Variants in ATF3 observed in about 807,000 individuals in gnomAD.
The protein encoded by ATF3 is cyclic AMP-dependent transcription factor ATF-3.
ATF3 carries 10 observed loss-of-function variants against 18.4 expected under a neutral mutation model. The observed-to-expected ratio is 0.54, with a 90% CI of 0.34 to 0.92. ATF3 has a LOEUF of 0.92. Among genes scored for constraint, ATF3 ranks in the 40% least tolerant of loss-of-function variants. The probability of loss-of-function intolerance (pLI) is 0.02; values close to 1 mark genes in which losing one functional copy is unlikely to be tolerated. For synonymous variants in ATF3, 78 were observed against 87.9 expected (o/e 0.89, Z 0.63); for missense variants, 183 against 222.3 (o/e 0.82, Z 1.12).
chr1:212,608,333 G>GCC (rs145591755), upstream of ATF3, among the ~76,000 whole-genome samples: 12 of 147,962 alleles, frequency 8.1e-5, no homozygotes, highest in African/African-American at 2.7e-4. Flanking sequence ...CACCTTCCCC[G>GCC]CCCCCCCCGC....
At chr1:212,605,188 CCATTTTT>C (rs904982341), upstream of ATF3, among the ~76,000 whole-genome samples, 3 of 152,154 alleles carry the variant, frequency 2.0e-5, no homozygotes, top group Non-Finnish European at 2.9e-5. Flanking sequence ...ATTGTTAGTG[CCATTTTT>C]CATTTGAGGA....
intron 1 of ATF3, among the ~76,000 whole-genome samples, chr1:212,583,521 G>A (rs1664723749): frequency 6.6e-6 from 1 of 152,206 alleles, no homozygotes; most frequent in Admixed American, 6.5e-5. Context: ...AGTAATTGCA[G>A]AAAGCTGTCA....
At chr1:212,573,943 G>GGT (rs558878356) in intron 1 of ATF3, among the ~76,000 whole-genome samples, 1 of 149,266 alleles carries the variant, frequency 6.7e-6, no homozygotes, top group African/African-American at 2.5e-5. Flanking sequence ...TATTCATAGG[G>GGT]TTTTTTTTTC....
rs1655237635 is a variant in ATF3 at position 212,618,668 on chromosome 1, G to C, written c.348+434G>C. ...TAATCCACAAGCAGTGGTTACACTT[G>C]CTTTGCATTCTTGTCTGGTTCCTAA... On this transcript the variant is annotated intron_variant, in intron 3 of 3. Transcript: ENST00000341491. The surrounding 1 kb of genome is among the most constrained non-coding windows in gnomAD (Gnocchi z 4.4). 7.2e-6 allele frequency: 3 copies of C among 416,952 alleles called. No individual in the cohort carries two copies. Among genetic ancestry groups the C allele is most frequent in the African/African-American group, 6.0e-5 (3 of 49,660 alleles). 25.8% of individuals were successfully genotyped at this position (416,952 alleles called of 1,614,324 possible).
chr1:212,607,247 A>G (rs1287192936), upstream of ATF3, among the ~76,000 whole-genome samples: 1 of 152,064 alleles, frequency 6.6e-6, no homozygotes, highest in Non-Finnish European at 1.5e-5. Flanking sequence ...CAAATTACCA[A>G]ACTGTGACCT....
At chr1:212,603,779 T>TGTGC (rs1190376056), upstream of ATF3, among the ~76,000 whole-genome samples, 1 of 131,838 alleles carries the variant, frequency 7.6e-6, no homozygotes, top group Non-Finnish European at 1.6e-5. Flanking sequence ...TATATATATG[T>TGTGC]GTGTGTGTGT....
At chr1:212,608,734 A>C (rs1436608908), upstream of ATF3, 1 of 152,314 alleles carries the variant, frequency 6.6e-6, no homozygotes, top group African/African-American at 2.4e-5. Context: ...AGGGCTATAA[A>C]AGGGGTGATG....
chr1:212,614,692 C>T (rs919702385), intron 1 of ATF3, among the ~76,000 whole-genome samples: 1 of 152,012 alleles, frequency 6.6e-6, no homozygotes, highest in Non-Finnish European at 1.5e-5. Context: ...AATGTTCTTC[C>T]TCTTTCAGGA....
intron 1 of ATF3, among the ~76,000 whole-genome samples, chr1:212,566,621 T>G (rs1664387473): frequency 6.6e-6 from 1 of 152,038 alleles, no homozygotes; most frequent in Non-Finnish European, 1.5e-5. Context: ...CATAGAAACC[T>G]CCTGCCCTGT....
In ATF3 at chr1:212,619,867, C is replaced by T. The variant is rs1005749972; in HGVS notation, c.*312C>T. ...CTTTCATCTGGATTCTACAAAAAAC[C>T]AGGATGCCCACCGTTAGGATTCAGG... is the stretch of plus-strand genomic sequence containing the variant. On this transcript the variant is annotated 3_prime_UTR_variant, in exon 4 of 4. Transcript: ENST00000341491. This position sits in a 1 kb window ranked among gnomAD's most constrained non-coding sequence, Gnocchi z 4.4. 1 of 336,414 alleles carries T rather than the reference C, an allele frequency of 3.0e-6. No individual in the cohort carries two copies. Among genetic ancestry groups the T allele is most frequent in the Admixed American group, 4.1e-5 (1 of 24,434 alleles). 20.8% of individuals were successfully genotyped at this position (336,414 alleles called of 1,614,324 possible). A position where few individuals can be genotyped will look rare whatever the true frequency, so the allele number is the denominator to read the frequency against.
chr1:212,584,315 G>GTA (rs1324418297), intron 1 of ATF3, among the ~76,000 whole-genome samples: 1 of 152,104 alleles, frequency 6.6e-6, no homozygotes, highest in African/African-American at 2.4e-5. Context: ...TAAGATGCAT[G>GTA]TGTATAAGAG....
chr1:212,579,980 TA>T (rs776918394), intron 1 of ATF3, among the ~76,000 whole-genome samples: 250 of 130,484 alleles, frequency 1.9e-3, no homozygotes, highest in East Asian at 3.8e-3. Flanking sequence ...CCGTCTCTAC[TA>T]AAAAAAAAAA....
intron 1 of ATF3, among the ~76,000 whole-genome samples, chr1:212,579,835 A>G (rs1004952459): frequency 6.6e-6 from 1 of 152,168 alleles, no homozygotes; most frequent in African/African-American, 2.4e-5. Flanking sequence ...TGAGAAATAA[A>G]CTATCTTGGT....
At position 212,580,327 on chromosome 1, in the gene ATF3, C is replaced by CTTT. The variant is rs113977243; in HGVS notation, c.-5+14855_-5+14857dup. Among the ~76,000 whole-genome samples the CTTT allele has an allele frequency of 2.2e-3, 325 of 145,882 alleles. 3 individuals are homozygous for CTTT. Among genetic ancestry groups the CTTT allele is most frequent in the African/African-American group, 4.8e-3 (191 of 39,950 alleles). ...ACTACTGTTTACTTTCAAATTTCCA[C>CTTT]TTTTTTTTTTTTTGAGATGGAGTCT... On this transcript the variant is annotated intron_variant, in intron 1 of 3. Coordinates refer to the ATF3 transcript ENST00000366981.
At chr1:212,572,903 A>G (rs1664511179) in intron 1 of ATF3, among the ~76,000 whole-genome samples, 1 of 152,254 alleles carries the variant, frequency 6.6e-6, no homozygotes. Context: ...GCAAATTTCT[A>G]CATACAAATT....
At chr1:212,593,738 C>G (rs1664934225) in intron 1 of ATF3, among the ~76,000 whole-genome samples, 1 of 61,884 alleles carries the variant, frequency 1.6e-5, no homozygotes, top group Non-Finnish European at 3.0e-5. Flanking sequence ...GAGACCCTGT[C>G]TCTTTAAAAA....
intron 1 of ATF3, among the ~76,000 whole-genome samples, chr1:212,582,872 T>C (rs72756345): frequency 0.086 from 13,119 of 152,012 alleles, 748 homozygotes; most frequent in Non-Finnish European, 0.13. Context: ...AATTCTCAGT[T>C]TACACACCGA....
At position 212,618,825 on chromosome 1, in the gene ATF3, T is replaced by C; in HGVS notation, c.349-533T>C. 1.6e-6 allele frequency: 1 copy of C among 620,966 alleles called. No individual in the cohort carries two copies. Among genetic ancestry groups the C allele is most frequent in the Non-Finnish European group, 2.8e-6 (1 of 352,706 alleles). 38.5% of individuals were successfully genotyped at this position (620,966 alleles called of 1,614,324 possible). ...GTGGCCGGTGGTGCTCAGCAGTCTT[T>C]CCAGTGGCTGTGTCCCTCCTCCAAA... On this transcript the variant is annotated intron_variant, in intron 3 of 3. Transcript: ENST00000341491. The surrounding 1 kb of genome is among the most constrained non-coding windows in gnomAD (Gnocchi z 4.4).
At position 212,581,732 on chromosome 1, in the gene ATF3, A is replaced by G. The variant is rs1421481171; in HGVS notation, c.-5+16249A>G. On this transcript the variant is annotated intron_variant, in intron 1 of 3. Coordinates refer to the ATF3 transcript ENST00000366981. ...TAAAATAATTACTCAGTACCCAGAG[A>G]CATACTTAATATATACATGTGAAAT... is the stretch of plus-strand genomic sequence containing the variant. Among the ~76,000 whole-genome samples, 3 of 152,230 alleles carry G rather than the reference A, an allele frequency of 2.0e-5. No individual in the cohort carries two copies. In the East Asian group the frequency reaches 5.8e-4, roughly 29 times the overall value.
Sources: gnomAD v4.1 joint callset for allele counts (sites outside exome capture counted in the v4.1 genomes callset) on GRCh38, gnomAD v4.1.1 for gene constraint, Gnocchi (gnomAD v3.1) non-coding constraint, MANE v1.5 for transcripts, NCBI Gene and HGNC (gene_info 2026-07-23, HGNC 2026-07-21) for gene names.